CTNNA2: variants seen among roughly 807,000 people sequenced by gnomAD.
CTNNA2 encodes catenin alpha 2.
CTNNA2 carries 42 observed loss-of-function variants against 101.0 expected under a neutral mutation model. The ratio of observed to expected loss-of-function variants is 0.42; its 90% CI spans 0.32 to 0.54. The LOEUF (loss-of-function observed/expected upper bound fraction) is 0.54, where lower values mean the gene tolerates loss of function less well. CTNNA2 is among the 20% of genes least tolerant of loss of function. The probability of loss-of-function intolerance (pLI) is 0.14; values close to 1 mark genes in which losing one functional copy is unlikely to be tolerated. For synonymous variants in CTNNA2, 450 were observed against 456.4 expected (o/e 0.99, Z 0.18); for missense variants, 871 against 1,223.1 (o/e 0.71, Z 4.29).
rs530897738 is a variant in CTNNA2 at position 80,146,104 on chromosome 2, T to A, written c.1056+236307T>A. Among the ~76,000 whole-genome samples the A allele has an allele frequency of 1.4e-4, 21 of 152,290 alleles. No homozygotes were observed. In the South Asian group the frequency reaches 4.3e-3, roughly 32 times the overall value. ...GCAATGCTGTGAAAACCTCAAGCCA[T>A]GCAGAGGAGCACTGAGGTGCTCCAA... On this transcript the variant is annotated intron_variant, in intron 7 of 18. Transcript: ENST00000402739.
chr2:79,314,434 G>A (rs931299821), intron 3 of CTNNA2, among the ~76,000 whole-genome samples: 8 of 152,168 alleles, frequency 5.3e-5, no homozygotes, highest in African/African-American at 9.7e-5. Context: ...AAGAATATGC[G>A]TGGGCCTAAT....
intron 6 of CTNNA2, among the ~76,000 whole-genome samples, chr2:79,887,691 C>A (rs1304817555): frequency 6.6e-6 from 1 of 152,068 alleles, no homozygotes; most frequent in Non-Finnish European, 1.5e-5. Context: ...AAGAAAAAAA[C>A]AACTTTTTGA....
chr2:79,836,877 C>A (rs2103817288), intron 3 of CTNNA2, among the ~76,000 whole-genome samples: 1 of 152,238 alleles, frequency 6.6e-6, no homozygotes, highest in East Asian at 1.9e-4. Context: ...TCTAATGATC[C>A]TCCCGCCTCA....
chr2:80,095,872 C>A (rs138392697), intron 7 of CTNNA2, among the ~76,000 whole-genome samples: 3 of 151,616 alleles, frequency 2.0e-5, no homozygotes, highest in Non-Finnish European at 4.4e-5. Flanking sequence ...TTTTTTATTG[C>A]GTCAATTTGA....
At chr2:80,242,369 A>G (rs972939007) in intron 7 of CTNNA2, among the ~76,000 whole-genome samples, 1 of 152,190 alleles carries the variant, frequency 6.6e-6, no homozygotes, top group African/African-American at 2.4e-5. Flanking sequence ...AGATTTTCAA[A>G]TTTTAATCTA....
At chr2:79,773,656 GC>G (rs1407887833) in intron 3 of CTNNA2, among the ~76,000 whole-genome samples, 2 of 152,020 alleles carry the variant, frequency 1.3e-5, no homozygotes, top group African/African-American at 4.8e-5. Context: ...GATTTTGGGG[GC>G]TCAAGATGTT....
chr2:79,621,817 T>C (rs781638467), intron 1 of CTNNA2, among the ~76,000 whole-genome samples: 13 of 152,170 alleles, frequency 8.5e-5, no homozygotes, highest in Non-Finnish European at 1.5e-4. Context: ...GTGGACAGTT[T>C]ATGTGATGAT....
At chr2:79,689,534 CT>C (rs577715398) in intron 2 of CTNNA2, among the ~76,000 whole-genome samples, 103 of 152,070 alleles carry the variant, frequency 6.8e-4, no homozygotes, top group African/African-American at 2.4e-3. Context: ...TCATCCATAA[CT>C]TTCTGTATGC....
intron 1 of CTNNA2, chr2:79,548,270 G>T (rs957979868): frequency 1.3e-5 from 2 of 152,186 alleles, no homozygotes; most frequent in African/African-American, 4.8e-5. Flanking sequence ...AGTGTCCCCA[G>T]TATTTATCAC....
In CTNNA2 at chr2:79,586,910, A is replaced by G. The variant is rs146125683; in HGVS notation, c.-5-64642A>G. Among the ~76,000 whole-genome samples, 738 of 152,208 alleles carry G rather than the reference A, an allele frequency of 4.8e-3. 3 individuals are homozygous for G. The highest frequency in any genetic ancestry group is 0.017 in the African/African-American group (700 of 41,508). ...GCTTAGCTTCCAATTATGAGTGAGA[A>G]CATATGATATTTGGTTTTCCATTGC... is the stretch of plus-strand genomic sequence containing the variant. On this transcript the variant is annotated intron_variant, in intron 1 of 18. Transcript: ENST00000402739.
chr2:80,014,219 T>C (rs529313151), intron 7 of CTNNA2, among the ~76,000 whole-genome samples: 3 of 152,326 alleles, frequency 2.0e-5, no homozygotes, highest in African/African-American at 7.2e-5. Context: ...TAATCATTTT[T>C]ATAACAGTTT....
chr2:79,512,351 G>T (rs1025369837), upstream of CTNNA2, among the ~76,000 whole-genome samples: 2 of 152,156 alleles, frequency 1.3e-5, no homozygotes, highest in African/African-American at 2.4e-5. Context: ...CTTGTTAAAT[G>T]AGCAAATATT....
At chr2:79,202,345 T>TTA (rs1553381692) in intron 2 of CTNNA2, among the ~76,000 whole-genome samples, 2 of 146,220 alleles carry the variant, frequency 1.4e-5, no homozygotes, top group African/African-American at 5.1e-5. Flanking sequence ...ATTTTTTTTA[T>TTA]TTTTTTTATT....
chr2:79,713,558 A>G (rs1685879065), intron 2 of CTNNA2, among the ~76,000 whole-genome samples: 1 of 152,206 alleles, frequency 6.6e-6, no homozygotes, highest in African/African-American at 2.4e-5. Flanking sequence ...TGGGAATTAC[A>G]TCACTCCAGT....
rs138089651 is a variant in CTNNA2 at position 79,299,617 on chromosome 2, A to G, written c.-405-13092A>G. ...GGGATCATAATGCACAAAGCAGCAA[A>G]TATGAGGTGTGTAGGGAAGAAATAG... On this transcript the variant is annotated intron_variant, in intron 2 of 21. Coordinates refer to the CTNNA2 transcript ENST00000466387. Among the ~76,000 whole-genome samples, 309 of 152,294 alleles carry G rather than the reference A, an allele frequency of 2.0e-3. 3 individuals carry two copies. Among genetic ancestry groups the G allele is most frequent in the African/African-American group, 6.9e-3 (286 of 41,562 alleles).
chr2:80,250,070 G>T (rs116153159), intron 7 of CTNNA2, among the ~76,000 whole-genome samples: 1 of 151,668 alleles, frequency 6.6e-6, no homozygotes, highest in African/African-American at 2.4e-5. Context: ...TCTTTGCCTC[G>T]CCCCCTTTCT....
intron 9 of CTNNA2, among the ~76,000 whole-genome samples, chr2:80,473,078 A>G (rs1480628771): frequency 6.6e-6 from 1 of 152,212 alleles, no homozygotes; most frequent in Non-Finnish European, 1.5e-5. Flanking sequence ...TAAGGACAGT[A>G]CTATTTGAGA....
chr2:79,408,086 A>G (rs74611748), intron 4 of CTNNA2, among the ~76,000 whole-genome samples: 1,625 of 152,076 alleles, frequency 0.011, 14 homozygotes, highest in Admixed American at 0.019. Flanking sequence ...TCCTGCAGTC[A>G]GTGGATGATT....
At chr2:79,340,723 A>G (rs1048722843) in intron 3 of CTNNA2, among the ~76,000 whole-genome samples, 38 of 150,506 alleles carry the variant, frequency 2.5e-4, no homozygotes, top group African/African-American at 9.3e-4. Flanking sequence ...AGTCCCAGCT[A>G]CTGGGGAGGC....
Sources: gnomAD v4.1 joint callset for allele counts (sites outside exome capture counted in the v4.1 genomes callset) on GRCh38, gnomAD v4.1.1 for gene constraint, MANE v1.5 for transcripts, NCBI Gene and HGNC (gene_info 2026-07-23, HGNC 2026-07-21) for gene names.